Variants in GPSM2 observed in about 807,000 individuals in gnomAD.
The protein encoded by GPSM2 is G protein signaling modulator 2, also known as G protein-signaling modulator 2.
In GPSM2, 58 loss-of-function variants were observed where a neutral mutation model predicts 78.4. That is an observed-to-expected ratio of 0.74 (90% CI 0.60 to 0.92). GPSM2 has a LOEUF of 0.92. Ranked by LOEUF, GPSM2 falls within the 40% of genes least tolerant of loss-of-function variation. GPSM2 has a pLI of 0.00. For synonymous variants in GPSM2, 224 were observed against 280.2 expected (o/e 0.80, Z 2.00); for missense variants, 700 against 815.5 (o/e 0.86, Z 1.73).
chr1:108,916,931 G>C (rs759751603), intron 11 of GPSM2, among the ~76,000 whole-genome samples: 1 of 152,032 alleles, frequency 6.6e-6, no homozygotes, highest in African/African-American at 2.4e-5. Flanking sequence ...TTGGATGCCT[G>C]AACTTGGATA....
rs533351435 is a variant in GPSM2, at chr1:108,916,874, T to G, written c.1264-1739T>G. On this transcript the variant is annotated intron_variant, in intron 11 of 14. Transcript: ENST00000264126. Reference sequence around the variant, plus strand: ...TAAGGAAAAAGGGAGACTTCTAGGTTAAGAGGCTTCCTGGGAGAGTGTGCA... The same window carrying G: ...TAAGGAAAAAGGGAGACTTCTAGGTGAAGAGGCTTCCTGGGAGAGTGTGCA... Among the ~76,000 whole-genome samples, 3 of 152,348 alleles carry G rather than the reference T, an allele frequency of 2.0e-5. No homozygotes were observed. In the South Asian group the frequency reaches 6.2e-4, roughly 32 times the overall value.
intron 2 of GPSM2, among the ~76,000 whole-genome samples, chr1:108,888,422 A>T (rs1647731367): frequency 6.6e-6 from 1 of 152,160 alleles, no homozygotes; most frequent in African/African-American, 2.4e-5. Flanking sequence ...ATCACAGCTC[A>T]CTGCAGCCTC....
At chr1:108,918,517 A>AT in intron 11 of GPSM2, 96 bp from the exon 12 acceptor site, 2 of 888,082 alleles carry the variant, frequency 2.3e-6, no homozygotes, top group East Asian at 2.4e-5. Flanking sequence ...CCAATAGTAA[A>AT]TAAGTGAGTA....
At chr1:108,927,629 T>C (rs1337312051) in intron 14 of GPSM2, among the ~76,000 whole-genome samples, 2 of 152,090 alleles carry the variant, frequency 1.3e-5, no homozygotes, top group Non-Finnish European at 2.9e-5. Flanking sequence ...TAATACCATA[T>C]GCAAAACTCA....
intron 1 of GPSM2, among the ~76,000 whole-genome samples, chr1:108,879,578 T>C (rs1188897588): frequency 6.6e-6 from 1 of 152,240 alleles, no homozygotes; most frequent in Non-Finnish European, 1.5e-5. Flanking sequence ...CTCACGCCTG[T>C]AATCCCAGCA....
chr1:108,925,364 G>A (rs1181033355), intron 14 of GPSM2, among the ~76,000 whole-genome samples: 1 of 152,186 alleles, frequency 6.6e-6, no homozygotes, highest in Non-Finnish European at 1.5e-5. Context: ...GTAAATTTGG[G>A]AGACATCAGC....
At chr1:108,894,428 T>TG (rs1362599375) in intron 2 of GPSM2, among the ~76,000 whole-genome samples, 2 of 152,212 alleles carry the variant, frequency 1.3e-5, no homozygotes, top group Admixed American at 6.5e-5. Flanking sequence ...CCAGCCATGG[T>TG]GGCTCACACC....
chr1:108,896,929 G>A lies in GPSM2; in HGVS notation c.122G>A (p.Arg41His), dbSNP rs751596044. 1.5e-5 allele frequency: 25 copies of A among 1,614,034 alleles called. No homozygotes were observed. The East Asian group carries it at 1.8e-4, about 12-fold the overall frequency. ...CGTCTATGTAAATCAGGAGACTGCC[G>A]CGCTGGCGTGTCATTCTTTGAAGCT... ...GERLCKSGDC[R>H]AGVSFFEAAV... The change falls in exon 3 of 15, where the codon CGC (arginine) becomes CAC (histidine). Residue 41 changes from arginine to histidine, a missense_variant. Transcript: ENST00000264126.
intron 9 of GPSM2, among the ~76,000 whole-genome samples, chr1:108,903,695 T>C (rs933617954): frequency 2.6e-5 from 4 of 152,216 alleles, no homozygotes; most frequent in African/African-American, 7.2e-5. Flanking sequence ...TTAGAGCTAA[T>C]GTATATTAAA....
chr1:108,902,046 ATCCC>A, intron 8 of GPSM2, 101 bp downstream of exon 8: 1 of 832,796 alleles, frequency 1.2e-6, no homozygotes, highest in Non-Finnish European at 2.0e-6. Context: ...TTTCCTTAAA[ATCCC>A]TTTTAAGGAA....
At chr1:108,894,835 G>C (rs1027722619) in intron 2 of GPSM2, among the ~76,000 whole-genome samples, 2 of 151,848 alleles carry the variant, frequency 1.3e-5, no homozygotes, top group Non-Finnish European at 2.9e-5. Flanking sequence ...TTCTAAACCA[G>C]AAGTCTGCTT....
rs576276468 is a variant in GPSM2, at chr1:108,900,261, C to T, written c.797+1267C>T. 5.1e-4 allele frequency among the ~76,000 whole-genome samples: 64 copies of T among 126,712 alleles called. 1 individual carries two copies. Among genetic ancestry groups the T allele is most frequent in the Admixed American group, 1.1e-3 (12 of 11,308 alleles). 83.1% of individuals were successfully genotyped at this position (126,712 alleles called of 152,430 possible). ...TTTTTTTTTTTTTTTTTTTTAAATA[C>T]GGAGTTTTGCTCTTGTCGCCCAGGC... On this transcript the variant is annotated intron_variant, in intron 7 of 14. Coordinates refer to ENST00000264126, the MANE Select transcript of GPSM2 (RefSeq NM_013296.5).
chr1:108,896,434 G>A (rs1005644498), intron 2 of GPSM2, among the ~76,000 whole-genome samples: 1 of 152,054 alleles, frequency 6.6e-6, no homozygotes, highest in Non-Finnish European at 1.5e-5. Flanking sequence ...ATGAACAGGT[G>A]ACTAGATTAC....
chr1:108,877,209 G>C lies in GPSM2; in HGVS notation c.-268G>C, dbSNP rs1433839909. 6.6e-6 allele frequency: 1 copy of C among 152,182 alleles called. No homozygotes were observed. Among genetic ancestry groups the C allele is most frequent in the Non-Finnish European group, 1.5e-5 (1 of 68,086 alleles). 9.4% of individuals were successfully genotyped at this position (152,182 alleles called of 1,614,324 possible). A position where few individuals can be genotyped will look rare whatever the true frequency, so the allele number is the denominator to read the frequency against. ...CGCTGCACCTTCACCGCGTACCCGG[G>C]ACCCGCCCGCCCGCGGGAGGTGAGC... is the stretch of plus-strand genomic sequence containing the variant. On this transcript the variant is annotated 5_prime_UTR_variant, in exon 1 of 15. Coordinates refer to ENST00000264126, the MANE Select transcript of GPSM2 (RefSeq NM_013296.5).
intron 11 of GPSM2, among the ~76,000 whole-genome samples, chr1:108,917,617 T>C (rs1228499346): frequency 0.17 from 875 of 5,066 alleles, 1 homozygote; most frequent in African/African-American, 0.27. Context: ...CACACATATA[T>C]ATATATATAT....
In GPSM2 at chr1:108,930,139, A is replaced by C; in HGVS notation, c.*199A>C. On this transcript the variant is annotated 3_prime_UTR_variant, in exon 15 of 15. Coordinates refer to ENST00000264126, the MANE Select transcript of GPSM2 (RefSeq NM_013296.5). ...CGTTTGAGGGTGGAGGGGTCCTGTA[A>C]GGTGCTTCATCGTCTGTGATTACTG... 1 of 579,934 alleles carries C rather than the reference A, an allele frequency of 1.7e-6. No individual in the cohort carries two copies. The highest frequency in any genetic ancestry group is 2.2e-5 in the South Asian group (1 of 44,520). The allele number at this position is 579,934 out of a possible 1,614,324, so 35.9% of individuals were successfully genotyped here. A position where few individuals can be genotyped will look rare whatever the true frequency, so the allele number is the denominator to read the frequency against.
In GPSM2 at chr1:108,931,622, C is replaced by G; in HGVS notation, c.*1682C>G. ...AACCTGGAATTAATTACATTAAGTG[C>G]TCAGCTAAAAAAAAAAAAAAAGTTC... On this transcript the variant is annotated 3_prime_UTR_variant, in exon 15 of 15. Coordinates refer to ENST00000264126, the MANE Select transcript of GPSM2 (RefSeq NM_013296.5). 8.8e-7 allele frequency: 1 copy of G among 1,134,616 alleles called. No homozygotes were observed. Among genetic ancestry groups the G allele is most frequent in the Non-Finnish European group, 1.1e-6 (1 of 872,472 alleles). 70.3% of individuals were successfully genotyped at this position (1,134,616 alleles called of 1,614,324 possible).
At position 108,889,877 on chromosome 1, in the gene GPSM2, C is replaced by T. The variant is rs566319454; in HGVS notation, c.56+4299C>T. Among the ~76,000 whole-genome samples the T allele has an allele frequency of 9.2e-5, 14 of 152,292 alleles. No individual in the cohort carries two copies. The South Asian group carries it at 2.9e-3, about 32-fold the overall frequency. On this transcript the variant is annotated intron_variant, in intron 2 of 14. Transcript: ENST00000264126. Reference sequence around the variant, plus strand: ...ACACAAGATCTTCATTATCTGGCTTCTGCCTATTCCTGGGACCTTACTTCC... The same window carrying T: ...ACACAAGATCTTCATTATCTGGCTTTTGCCTATTCCTGGGACCTTACTTCC...
intron 14 of GPSM2, among the ~76,000 whole-genome samples, chr1:108,925,844 G>T (rs560561692): frequency 2.0e-5 from 3 of 151,410 alleles, no homozygotes; most frequent in Non-Finnish European, 2.9e-5. Flanking sequence ...TTCTTTTTGG[G>T]GGTGAAAACG....
Sources: gnomAD v4.1 joint callset for allele counts (sites outside exome capture counted in the v4.1 genomes callset) on GRCh38, gnomAD v4.1.1 for gene constraint, MANE v1.5 for transcripts, NCBI Gene and HGNC (gene_info 2026-07-23, HGNC 2026-07-21) for gene names.